ERCC8: variants seen among roughly 807,000 people sequenced by gnomAD.
ERCC8 encodes the protein DNA excision repair protein ERCC-8.
In ERCC8, 52 loss-of-function variants were observed where a neutral mutation model predicts 54.9. That is an observed-to-expected ratio of 0.95 (90% CI 0.76 to 1.19). The LOEUF (loss-of-function observed/expected upper bound fraction) is 1.19. Ranked by LOEUF, ERCC8 falls within the 50% of genes most tolerant of loss-of-function variation. ERCC8 has a pLI of 0.00. For synonymous variants in ERCC8, 146 were observed against 157.2 expected, an observed-to-expected ratio of 0.93 and a Z score of 0.53; for missense variants, 514 against 466.1, an observed-to-expected ratio of 1.10 and a Z score of -0.95.
intron 9 of ERCC8, chr5:60,893,686 C>T (rs1748637418): frequency 8.7e-6 from 4 of 458,068 alleles, no homozygotes; most frequent in East Asian, 3.9e-5. Context: ...TGCTAGGCTC[C>T]GGACTTCTGG....
intron 4 of ERCC8, among the ~76,000 whole-genome samples, chr5:60,910,130 G>A (rs1209694094): frequency 1.3e-5 from 2 of 152,160 alleles, no homozygotes; most frequent in Admixed American, 6.5e-5. Flanking sequence ...TTTCAACTGT[G>A]ATGGGGGTCA....
chr5:60,897,949 T>C (rs1441457632), intron 9 of ERCC8, among the ~76,000 whole-genome samples: 2 of 152,216 alleles, frequency 1.3e-5, no homozygotes, highest in Non-Finnish European at 2.9e-5. Flanking sequence ...ACTCAACCTA[T>C]ATAAAATTTG....
intron 1 of ERCC8, among the ~76,000 whole-genome samples, chr5:60,937,826 G>A (rs141030097): frequency 3.3e-5 from 5 of 152,088 alleles, no homozygotes; most frequent in South Asian, 4.2e-4. Context: ...TTCCTGGAGC[G>A]TTCCTGTGGT....
At chr5:60,930,022 A>G (rs1397220729) in intron 1 of ERCC8, among the ~76,000 whole-genome samples, 1 of 152,262 alleles carries the variant, frequency 6.6e-6, no homozygotes, top group East Asian at 1.9e-4. Flanking sequence ...ACTTTCATTC[A>G]TTGACATTAG....
chr5:60,878,750 C>G (rs937083672), intron 11 of ERCC8, among the ~76,000 whole-genome samples: 2 of 151,870 alleles, frequency 1.3e-5, no homozygotes, highest in African/African-American at 4.8e-5. Context: ...CTATTTGATT[C>G]TGCTCTCTTT....
intron 1 of ERCC8, among the ~76,000 whole-genome samples, chr5:60,931,185 C>T (rs1009085281): frequency 1.1e-4 from 17 of 151,706 alleles, no homozygotes; most frequent in African/African-American, 3.9e-4. Context: ...AGTGGTAGTC[C>T]CAGGAGTGGT....
intron 9 of ERCC8, chr5:60,891,912 G>A: frequency 2.0e-6 from 1 of 490,470 alleles, no homozygotes; most frequent in Non-Finnish European, 4.1e-6. Context: ...GGATCGGAAG[G>A]GAAGTGAGAT....
At chr5:60,898,619 T>A (rs912140323) in intron 8 of ERCC8, among the ~76,000 whole-genome samples, 11 of 151,960 alleles carry the variant, frequency 7.2e-5, no homozygotes, top group Non-Finnish European at 1.2e-4. Flanking sequence ...GGAAAAAATT[T>A]CTGCCTAACA....
chr5:60,885,507 T>C (rs1283093290), intron 11 of ERCC8, among the ~76,000 whole-genome samples: 1 of 152,120 alleles, frequency 6.6e-6, no homozygotes, highest in East Asian at 1.9e-4. Context: ...CAGGACACAA[T>C]AATTACATAA....
intron 5 of ERCC8, among the ~76,000 whole-genome samples, chr5:60,904,016 C>T (rs1180303766): frequency 1.3e-5 from 2 of 152,032 alleles, no homozygotes; most frequent in African/African-American, 4.8e-5. Flanking sequence ...CACTAAGTTT[C>T]CCCAACGATT....
At chr5:60,882,742 C>T (rs368226773) in intron 11 of ERCC8, among the ~76,000 whole-genome samples, 9 of 152,116 alleles carry the variant, frequency 5.9e-5, no homozygotes, top group East Asian at 5.8e-4. Context: ...CCACGGTACA[C>T]TTATTTGCAA....
At chr5:60,927,323 AG>A (rs1295142282) in intron 2 of ERCC8, among the ~76,000 whole-genome samples, 1 of 152,160 alleles carries the variant, frequency 6.6e-6, no homozygotes, top group African/African-American at 2.4e-5. Context: ...CGATTTTTTT[AG>A]TTTTCCACAG....
intron 11 of ERCC8, among the ~76,000 whole-genome samples, chr5:60,882,911 A>T (rs574975913): frequency 2.0e-5 from 3 of 150,656 alleles, no homozygotes; most frequent in Admixed American, 2.0e-4. Context: ...CCTCTTCCCT[A>T]CTCTGTCTCT....
At chr5:60,879,980 G>A (rs1274059966) in intron 11 of ERCC8, among the ~76,000 whole-genome samples, 1 of 152,106 alleles carries the variant, frequency 6.6e-6, no homozygotes, top group Non-Finnish European at 1.5e-5. Context: ...TTACAATTTG[G>A]CATGTTTTTG....
intron 2 of ERCC8, among the ~76,000 whole-genome samples, chr5:60,928,470 T>C (rs1749815491): frequency 6.6e-6 from 1 of 152,210 alleles, no homozygotes; most frequent in Admixed American, 6.5e-5. Flanking sequence ...ATAATTCTTA[T>C]TTGTTTCTAA....
chr5:60,877,091 T>A (rs1017795580), intron 11 of ERCC8, among the ~76,000 whole-genome samples: 11 of 152,238 alleles, frequency 7.2e-5, no homozygotes, highest in Non-Finnish European at 1.6e-4. Flanking sequence ...TTCAGCTTTC[T>A]AAGTATGGCT....
At chr5:60,880,772 T>A (rs184183982) in intron 11 of ERCC8, among the ~76,000 whole-genome samples, 1 of 152,348 alleles carries the variant, frequency 6.6e-6, no homozygotes, top group African/African-American at 2.4e-5. Flanking sequence ...TTGTCTAATT[T>A]TTTTTCAAGG....
intron 9 of ERCC8, among the ~76,000 whole-genome samples, chr5:60,893,902 C>G (rs1160808394): frequency 4.0e-5 from 6 of 151,694 alleles, no homozygotes; most frequent in Admixed American, 6.6e-5. Context: ...ATCTCTAGAA[C>G]TCTTCATCTT....
chr5:60,879,470 G>A (rs1213872664), intron 11 of ERCC8, among the ~76,000 whole-genome samples: 1 of 152,190 alleles, frequency 6.6e-6, no homozygotes, highest in Non-Finnish European at 1.5e-5. Context: ...ACAGTGGGGT[G>A]TTAAAGTCTC....
Sources: gnomAD v4.1 joint callset for allele counts (sites outside exome capture counted in the v4.1 genomes callset) on GRCh38, gnomAD v4.1.1 for gene constraint, MANE v1.5 for transcripts, NCBI Gene and HGNC (gene_info 2026-07-23, HGNC 2026-07-21) for gene names.